LINGO2: variants seen among roughly 807,000 people sequenced by gnomAD.
The protein encoded by LINGO2 is leucine-rich repeat and immunoglobulin-like domain-containing nogo receptor-interacting protein 2.
In LINGO2, 14 loss-of-function variants were observed where a neutral mutation model predicts 30.6. That is an observed-to-expected ratio of 0.46 (90% CI 0.30 to 0.72). The LOEUF (loss-of-function observed/expected upper bound fraction) is 0.72, where lower values mean the gene tolerates loss of function less well. Ranked by LOEUF, LINGO2 falls within the 30% of genes least tolerant of loss-of-function variation. The probability of loss-of-function intolerance (pLI) is 0.07; values close to 1 mark genes in which losing one functional copy is unlikely to be tolerated. For synonymous variants in LINGO2, 317 were observed against 288.5 expected, an observed-to-expected ratio of 1.10 and a Z score of -1.00; for missense variants, 729 against 751.7, an observed-to-expected ratio of 0.97 and a Z score of 0.35.
At chr9:28,737,589 A>AG in the LINGO2 span, among the ~76,000 whole-genome samples, 52 of 152,298 alleles carry the variant, frequency 3.4e-4, no homozygotes, top group East Asian at 4.4e-3. Flanking sequence ...TATTCTACTG[A>AG]GGCAGCTTGG....
At position 28,589,100 on chromosome 9, in the gene LINGO2, A is replaced by G. The variant is rs749203388; in HGVS notation, c.-365+81100T>C. Among the ~76,000 whole-genome samples the G allele has an allele frequency of 8.5e-5, 13 of 152,178 alleles. No individual in the cohort carries two copies. The South Asian group carries it at 1.0e-3, about 12-fold the overall frequency. On this transcript the variant is annotated intron_variant, in intron 1 of 5. Transcript: ENST00000379992. The stretch of plus-strand genomic sequence containing the variant: ...AAAAGGCCTTTGAGAAAATTCAACA[A>G]CCCTTCATGCTAAAAACTCTCAATA...
intron 1 of LINGO2, among the ~76,000 whole-genome samples, chr9:28,601,667 A>G (rs185881823): frequency 3.9e-5 from 6 of 152,216 alleles, no homozygotes; most frequent in Admixed American, 3.9e-4. Context: ...CACCTCATGT[A>G]GCACTCATTC....
At chr9:27,966,573 G>A (rs1050566336) in intron 5 of LINGO2, among the ~76,000 whole-genome samples, 1 of 152,064 alleles carries the variant, frequency 6.6e-6, no homozygotes. Flanking sequence ...CCTGTCAGGG[G>A]TTGTGAGGAA....
At chr9:28,940,895 A>C in the LINGO2 span, among the ~76,000 whole-genome samples, 1 of 152,116 alleles carries the variant, frequency 6.6e-6, no homozygotes, top group Admixed American at 6.6e-5. Flanking sequence ...AGAGTTATGC[A>C]ATTAATTTTA....
chr9:28,333,118 C>G (rs917125237), intron 3 of LINGO2, among the ~76,000 whole-genome samples: 23 of 152,270 alleles, frequency 1.5e-4, no homozygotes, highest in African/African-American at 5.5e-4. Flanking sequence ...CAGGAAACAT[C>G]ACACTAGAAG....
the LINGO2 span, among the ~76,000 whole-genome samples, chr9:28,881,604 T>TC: frequency 6.6e-6 from 1 of 152,170 alleles, no homozygotes; most frequent in African/African-American, 2.4e-5. Flanking sequence ...CAACCTTTTT[T>TC]TTTTTTTCAA....
At chr9:29,073,282 T>C in the LINGO2 span, among the ~76,000 whole-genome samples, 1 of 152,140 alleles carries the variant, frequency 6.6e-6, no homozygotes, top group East Asian at 1.9e-4. Context: ...AAATTAGATT[T>C]GTAACTAAAG....
At chr9:28,957,627 G>A in the LINGO2 span, among the ~76,000 whole-genome samples, 1 of 152,034 alleles carries the variant, frequency 6.6e-6, no homozygotes, top group South Asian at 2.1e-4. Flanking sequence ...TATAAATTTT[G>A]AATATATACA....
the LINGO2 span, among the ~76,000 whole-genome samples, chr9:29,096,643 T>G: frequency 2.8e-5 from 4 of 140,488 alleles, 1 homozygote; most frequent in East Asian, 9.7e-4. Context: ...TTCAAAAGAT[T>G]GTAAGACTGT....
At chr9:29,016,562 A>T in the LINGO2 span, among the ~76,000 whole-genome samples, 1 of 152,224 alleles carries the variant, frequency 6.6e-6, no homozygotes, top group Admixed American at 6.6e-5. Context: ...GGCTGCCAGC[A>T]AAAGAGAAAA....
chr9:28,907,833 A>G, the LINGO2 span, among the ~76,000 whole-genome samples: 1,028 of 151,840 alleles, frequency 6.8e-3, 7 homozygotes, highest in Non-Finnish European at 0.011. Flanking sequence ...CTACTTCTTG[A>G]AGAAATTGCA....
chr9:27,958,458 C>T (rs1434141008), intron 5 of LINGO2, among the ~76,000 whole-genome samples: 2 of 152,074 alleles, frequency 1.3e-5, no homozygotes, highest in Non-Finnish European at 2.9e-5. Context: ...GTAGCCCCTC[C>T]GTATTCATGA....
chr9:28,589,984 C>G (rs1587920938), intron 1 of LINGO2, among the ~76,000 whole-genome samples: 3 of 152,046 alleles, frequency 2.0e-5, no homozygotes, highest in Admixed American at 2.0e-4. Context: ...AGAACAGAGC[C>G]CTCAGAGATA....
At chr9:28,498,818 C>T (rs1028350017) in intron 1 of LINGO2, among the ~76,000 whole-genome samples, 7 of 152,058 alleles carry the variant, frequency 4.6e-5, no homozygotes, top group Admixed American at 3.9e-4. Flanking sequence ...CCTATTTAGG[C>T]TACTTTGATC....
At chr9:28,999,615 T>C in the LINGO2 span, among the ~76,000 whole-genome samples, 1 of 152,040 alleles carries the variant, frequency 6.6e-6, no homozygotes, top group Non-Finnish European at 1.5e-5. Context: ...TAGGATTGCT[T>C]ATCTGGTAAG....
At chr9:28,613,287 G>T (rs1470005) in intron 1 of LINGO2, among the ~76,000 whole-genome samples, 50,954 of 151,720 alleles carry the variant, frequency 0.34, 8,889 homozygotes, top group African/African-American at 0.4. Flanking sequence ...AATGTATATT[G>T]ATGTATTAGT....
At chr9:28,704,975 G>C in the LINGO2 span, among the ~76,000 whole-genome samples, 1 of 152,026 alleles carries the variant, frequency 6.6e-6, no homozygotes, top group Non-Finnish European at 1.5e-5. Context: ...CTCATACAGT[G>C]GCTCAATCTC....
chr9:28,638,040 A>C (rs1309581060), intron 1 of LINGO2, among the ~76,000 whole-genome samples: 3 of 152,152 alleles, frequency 2.0e-5, no homozygotes, highest in Non-Finnish European at 4.4e-5. Flanking sequence ...AAGGTTGTTG[A>C]ATTTTGTCAA....
At chr9:28,470,378 C>T (rs1486926976) in intron 2 of LINGO2, among the ~76,000 whole-genome samples, 1 of 152,156 alleles carries the variant, frequency 6.6e-6, no homozygotes, top group African/African-American at 2.4e-5. Flanking sequence ...CAAATTGTCT[C>T]AACAACATAT....
Sources: allele counts gnomAD v4.1 joint callset (sites outside exome capture counted in the v4.1 genomes callset), GRCh38; gene constraint gnomAD v4.1.1; transcripts MANE v1.5; gene names NCBI Gene and HGNC (gene_info 2026-07-23, HGNC 2026-07-21).